HEATR5B: variants seen among roughly 807,000 people sequenced by gnomAD.
The protein encoded by HEATR5B is HEAT repeat containing 5B, also known as HEAT repeat-containing protein 5B.
Under a neutral mutation model 224.1 loss-of-function variants are expected in HEATR5B, and 156 were observed. The observed-to-expected ratio is 0.70, with a 90% CI of 0.61 to 0.80. HEATR5B has a LOEUF of 0.80. Among genes scored for constraint, HEATR5B ranks in the 30% least tolerant of loss-of-function variants. The pLI, the probability that HEATR5B is intolerant of heterozygous loss-of-function variation, is 0.00. For synonymous variants in HEATR5B, 1,027 were observed against 893.0 expected (o/e 1.15, Z -2.68); for missense variants, 2,323 against 2,535.5 (o/e 0.92, Z 1.80).
chr2:37,007,482 T>A (rs569639894), intron 28 of HEATR5B, among the ~76,000 whole-genome samples, 178 bp from the exon 29 acceptor site: 1 of 151,914 alleles, frequency 6.6e-6, no homozygotes. Flanking sequence ...AAGCTGGGAC[T>A]ACAGACATGC....
chr2:37,000,862 T>A, intron 32 of HEATR5B, 49 bp from the exon 33 acceptor site: 2 of 1,228,782 alleles, frequency 1.6e-6, no homozygotes, highest in Non-Finnish European at 2.4e-6. Flanking sequence ...AGTTCCCATA[T>A]TATAGTTGTT....
chr2:37,032,647 T>G lies in HEATR5B; in HGVS notation c.3343A>C (p.Lys1115Gln), dbSNP rs758291286. The change falls in exon 22 of 36, where the codon AAA becomes CAA. Residue 1115 changes from lysine (K) to glutamine (Q), a missense_variant. Transcript: ENST00000233099. ...AACTTACTGGCACTACTGCTCTCTT[T>G]GTCCCCTGTATTTTTTGCCAGGCTC... Reference protein sequence around the residue: ...AMSLAKNTGDKESSSANVSPF... With the variant: ...AMSLAKNTGDQESSSANVSPF... 14 of 1,613,556 alleles carry G rather than the reference T, an allele frequency of 8.7e-6. No homozygotes were observed. The highest frequency in any genetic ancestry group is 1.3e-5 in the African/African-American group (1 of 74,900).
At chr2:37,054,580 G>C (rs1346560302) in intron 16 of HEATR5B, among the ~76,000 whole-genome samples, 6 of 150,170 alleles carry the variant, frequency 4.0e-5, no homozygotes, top group Non-Finnish European at 4.4e-5. Context: ...TGCCTCCTGG[G>C]TTCATATGAT....
At chr2:37,000,382 T>C (rs1355122088) in intron 33 of HEATR5B, among the ~76,000 whole-genome samples, 1 of 152,178 alleles carries the variant, frequency 6.6e-6, no homozygotes, top group East Asian at 1.9e-4. Context: ...GGCCCCAACA[T>C]GTTTATAACT....
In HEATR5B at chr2:37,049,932, C is replaced by T. The variant is rs1055508792; in HGVS notation, c.2506-89G>A. The T allele has an allele frequency of 3.5e-5, 46 of 1,304,756 alleles. No individual in the cohort carries two copies. In the African/African-American group the frequency reaches 6.6e-4, roughly 19 times the overall value. 80.8% of individuals were successfully genotyped at this position (1,304,756 alleles called of 1,614,324 possible). Reference sequence around the variant, plus strand: ...TTAAGGCAAGGTCTTGCTCCCTTGCCCAGGCTGGAGTGCAATGGCACAATC... The same window carrying T: ...TTAAGGCAAGGTCTTGCTCCCTTGCTCAGGCTGGAGTGCAATGGCACAATC... On this transcript the variant is annotated intron_variant, in intron 17 of 35. Coordinates refer to ENST00000233099, the MANE Select transcript of HEATR5B (RefSeq NM_019024.3).
intron 35 of HEATR5B, 41 bp downstream of exon 35, chr2:36,988,605 C>T: frequency 6.7e-7 from 1 of 1,502,928 alleles, no homozygotes; most frequent in Non-Finnish European, 9.2e-7. Context: ...CAATACAGAT[C>T]TTCATTCTGA....
intron 16 of HEATR5B, among the ~76,000 whole-genome samples, chr2:37,054,510 G>C (rs1215811717): frequency 8.5e-6 from 1 of 118,088 alleles, no homozygotes; most frequent in Non-Finnish European, 1.7e-5. Context: ...TTGAGACTGA[G>C]TTTCGCTCTT....
In HEATR5B at chr2:37,056,619, CAA is replaced by C. The variant is rs1670928515; in HGVS notation, c.2224-6_2224-5del. 1.3e-6 allele frequency: 2 copies of C among 1,573,780 alleles called. No individual in the cohort carries two copies. The highest frequency in any genetic ancestry group is 1.2e-5 in the South Asian group (1 of 85,022). On this transcript the variant is annotated splice_region_variant and splice_polypyrimidine_tract_variant and intron_variant, in intron 15 of 35. Coordinates refer to ENST00000233099, the MANE Select transcript of HEATR5B (RefSeq NM_019024.3). The stretch of plus-strand genomic sequence containing the variant: ...CAGAGGCACTGTTTGGCTGGAGCTG[CAA>C]AAGAGTGAAATAAAAATTATTCAAA...
At chr2:37,054,475 T>A (rs1158383920) in intron 16 of HEATR5B, among the ~76,000 whole-genome samples, 2 of 116,644 alleles carry the variant, frequency 1.7e-5, no homozygotes, top group Non-Finnish European at 3.4e-5. Flanking sequence ...GCCACTGTGC[T>A]CTGCATTTTT....
intron 29 of HEATR5B, 70 bp downstream of exon 29, chr2:37,006,980 T>C (rs940323125): frequency 2.0e-6 from 3 of 1,496,296 alleles, no homozygotes; most frequent in Non-Finnish European, 2.8e-6. Context: ...AATCTTTCCA[T>C]AGCTTTAAAA....
intron 33 of HEATR5B, among the ~76,000 whole-genome samples, chr2:36,992,885 C>T (rs1192264571): frequency 2.6e-5 from 4 of 151,956 alleles, no homozygotes; most frequent in Non-Finnish European, 5.9e-5. Flanking sequence ...CCACCATGTA[C>T]AGCTGAATTT....
chr2:37,058,668 A>G (rs1671063851), intron 13 of HEATR5B, 108 bp from the exon 14 acceptor site: 2 of 763,234 alleles, frequency 2.6e-6, no homozygotes, highest in Non-Finnish European at 4.4e-6. Flanking sequence ...ATAAGTATAC[A>G]CTTTCATTTT....
chr2:37,012,812 T>C (rs900464429), intron 27 of HEATR5B, among the ~76,000 whole-genome samples: 1 of 152,160 alleles, frequency 6.6e-6, no homozygotes, highest in African/African-American at 2.4e-5. Context: ...CCTCCTCCTA[T>C]CCTCCATGTT....
chr2:36,995,041 C>T (rs1666597323), intron 33 of HEATR5B, among the ~76,000 whole-genome samples: 1 of 149,346 alleles, frequency 6.7e-6, no homozygotes, highest in Admixed American at 6.7e-5. Flanking sequence ...TGGGCCACTG[C>T]GCCCAGCCAC....
chr2:36,990,004 T>C (rs900519484), intron 34 of HEATR5B, among the ~76,000 whole-genome samples: 2 of 144,144 alleles, frequency 1.4e-5, no homozygotes, highest in Non-Finnish European at 3.0e-5. Flanking sequence ...TGGGTTCAAG[T>C]GATTCTCCTG....
At chr2:37,047,177 C>CAA (rs531378377) in intron 18 of HEATR5B, among the ~76,000 whole-genome samples, 5 of 136,678 alleles carry the variant, frequency 3.7e-5, no homozygotes, top group Non-Finnish European at 8.0e-5. Context: ...GATCCCATCT[C>CAA]AAAAAAAAAA....
At chr2:37,012,277 G>C (rs1477370535) in intron 27 of HEATR5B, among the ~76,000 whole-genome samples, 1 of 151,988 alleles carries the variant, frequency 6.6e-6, no homozygotes, top group South Asian at 2.1e-4. Context: ...AATACATTTA[G>C]GTTATTTCCA....
chr2:37,028,628 T>C, intron 23 of HEATR5B, 53 bp downstream of exon 23: 1 of 1,469,530 alleles, frequency 6.8e-7, no homozygotes, highest in Admixed American at 1.7e-5. Context: ...TATATGTATA[T>C]ATCAGAAGTA....
chr2:36,981,688 T>G lies in HEATR5B; in HGVS notation c.6018A>C (p.Ala2006=). 6.2e-7 allele frequency: 1 copy of G among 1,613,942 alleles called. No homozygotes were observed. The highest frequency in any genetic ancestry group is 8.5e-7 in the Non-Finnish European group (1 of 1,179,982). Residue 2006 remains alanine, a synonymous_variant, in exon 36 of 36, where the codon GCA becomes GCC. Transcript: ENST00000233099. The part of the protein sequence containing the change: ...SSASKDLHEF[A]LQNLMHIGPL... ...GTCCAATATGCATTAAATTCTGGAG[T>G]GCAAACTCATGAAGATCTTTGGAAG... is the stretch of plus-strand genomic sequence containing the variant.
Sources: allele counts gnomAD v4.1 joint callset (sites outside exome capture counted in the v4.1 genomes callset), GRCh38; gene constraint gnomAD v4.1.1; transcripts MANE v1.5; gene names NCBI Gene and HGNC (gene_info 2026-07-23, HGNC 2026-07-21).